Variants in ZNF81 observed in about 807,000 individuals in gnomAD.
ZNF81 encodes the protein zinc finger protein 81 (HFZ20).
Under a neutral mutation model 32.3 loss-of-function variants are expected in ZNF81, and 5 were observed. The observed-to-expected ratio is 0.15, with a 90% CI of 0.08 to 0.33. The LOEUF (loss-of-function observed/expected upper bound fraction) is 0.33, where lower values mean the gene tolerates loss of function less well. Among genes scored for constraint, ZNF81 ranks in the 10% least tolerant of loss-of-function variants. The pLI is 1.00. For synonymous variants in ZNF81, 163 were observed against 166.8 expected, an observed-to-expected ratio of 0.98 and a Z score of 0.17; for missense variants, 379 against 479.8, an observed-to-expected ratio of 0.79 and a Z score of 1.96.
chrX:47,878,138 G>A (rs1343582464), intron 2 of ZNF81, among the ~76,000 whole-genome samples: 1 of 111,781 alleles, frequency 8.9e-6, no homozygotes, highest in Non-Finnish European at 1.9e-5. Flanking sequence ...CCTGCCTGTC[G>A]TGCAACCAGA....
Position 47,922,660 on chromosome X carries a change from A to G in ZNF81, c.*6028A>G, listed in dbSNP as rs2058780733. Among the ~76,000 whole-genome samples, 2 of 111,746 alleles carry G rather than the reference A, an allele frequency of 1.8e-5. No individual in the cohort carries two copies. The highest frequency in any genetic ancestry group is 3.3e-5 in the African/African-American group (1 of 30,666). ...GATGGTTTTCATCTATAAAAGATGTACACACTACCACCTATCATAGATTTG... is the reference window on the plus strand; with the variant it reads ...GATGGTTTTCATCTATAAAAGATGTGCACACTACCACCTATCATAGATTTG... On this transcript the variant is annotated 3_prime_UTR_variant, in exon 5 of 5. Coordinates refer to ENST00000338637, the MANE Select transcript of ZNF81 (RefSeq NM_007137.5).
intron 2 of ZNF81, among the ~76,000 whole-genome samples, chrX:47,864,516 A>G (rs1242144866): frequency 8.9e-6 from 1 of 111,876 alleles, no homozygotes; most frequent in Non-Finnish European, 1.9e-5. Flanking sequence ...GCCACACGTC[A>G]TGTGATGTGA....
rs782375246 is a variant in ZNF81 at position 47,917,129 on chromosome X, AT to A, written c.*505del. On this transcript the variant is annotated 3_prime_UTR_variant, in exon 5 of 5. Coordinates refer to ENST00000338637, the MANE Select transcript of ZNF81 (RefSeq NM_007137.5). The stretch of plus-strand genomic sequence containing the variant: ...CAGTGCAGAACAGGAGGAATATTAC[AT>A]TTTTTTTCAAATTTAGAATAATTAT... 7.0e-6 allele frequency: 2 copies of A among 287,555 alleles called. No individual in the cohort carries two copies. Among genetic ancestry groups the A allele is most frequent in the East Asian group, 4.9e-5 (1 of 20,586 alleles). 23.7% of individuals were successfully genotyped at this position (287,555 alleles called of 1,213,427 possible). A position where few individuals can be genotyped will look rare whatever the true frequency, so the allele number is the denominator to read the frequency against.
In ZNF81 at chrX:47,900,913, G is replaced by A. The variant is rs1048647336; in HGVS notation, c.277+4973G>A. ...GCCCCCTTAATCTCTAGTGGCCCCG[G>A]GTACCCAGGCCTTCTTCCCCTGATT... On this transcript the variant is annotated intron_variant, in intron 4 of 4. Transcript: ENST00000338637. Among the ~76,000 whole-genome samples the A allele has an allele frequency of 2.7e-5, 3 of 109,991 alleles. No homozygotes were observed. In the Admixed American group the frequency reaches 2.9e-4, roughly 11 times the overall value.
rs2058661369 is a variant in ZNF81, at chrX:47,891,252, T to G, written c.181+3127T>G. 2.7e-5 allele frequency among the ~76,000 whole-genome samples: 3 copies of G among 112,829 alleles called. No individual in the cohort carries two copies. The Admixed American group carries it at 2.8e-4, about 11-fold the overall frequency. On this transcript the variant is annotated intron_variant, in intron 3 of 4. Transcript: ENST00000338637. ...ATAGGGTACCAGGGAATGTGTTAAT[T>G]TGCTCAAGCAATGAAACCACATCTT... is the stretch of plus-strand genomic sequence containing the variant.
chrX:47,912,665 C>G (rs1332205517), intron 4 of ZNF81, among the ~76,000 whole-genome samples: 1 of 109,326 alleles, frequency 9.1e-6, no homozygotes, highest in African/African-American at 3.3e-5. Context: ...ATTACTCCAC[C>G]ATCTCTTAGG....
intron 2 of ZNF81, among the ~76,000 whole-genome samples, chrX:47,862,519 G>A (rs782759938): frequency 8.6e-5 from 6 of 69,401 alleles, no homozygotes; most frequent in South Asian, 7.1e-4. Context: ...GAGAGACTCC[G>A]TCTCAAAAAA....
At position 47,923,020 on chromosome X, in the gene ZNF81, G is replaced by C. The variant is rs1047423114; in HGVS notation, c.*6388G>C. Among the ~76,000 whole-genome samples, 1 of 111,372 alleles carries C rather than the reference G, an allele frequency of 9.0e-6. No homozygotes were observed. Among genetic ancestry groups the C allele is most frequent in the Non-Finnish European group, 1.9e-5 (1 of 53,059 alleles). On this transcript the variant is annotated 3_prime_UTR_variant, in exon 5 of 5. Coordinates refer to ENST00000338637, the MANE Select transcript of ZNF81 (RefSeq NM_007137.5). Reference sequence around the variant, plus strand: ...AAGGACACTAGTTATATTGGAGTGGGGTTCACTTTAATGGCCCCATTTTAA... The same window carrying C: ...AAGGACACTAGTTATATTGGAGTGGCGTTCACTTTAATGGCCCCATTTTAA...
intron 2 of ZNF81, among the ~76,000 whole-genome samples, chrX:47,887,416 CA>C (rs2058646060): frequency 9.0e-6 from 1 of 111,653 alleles, no homozygotes; most frequent in Admixed American, 9.5e-5. Flanking sequence ...AACACTCAAC[CA>C]ACTTGATTTA....
Position 47,863,361 on chromosome X carries a change from C to T in ZNF81, c.54+17040C>T, listed in dbSNP as rs782359785. On this transcript the variant is annotated intron_variant, in intron 2 of 4. Transcript: ENST00000338637. The stretch of plus-strand genomic sequence containing the variant: ...TTGGCTCAGATTTGGCCTCTGGGCA[C>T]GAAGTCAGTTGGCAATGCATTTGTT... Among the ~76,000 whole-genome samples the T allele has an allele frequency of 3.6e-5, 4 of 111,885 alleles. No individual in the cohort carries two copies. The East Asian group carries it at 8.4e-4, about 24-fold the overall frequency.
At chrX:47,909,115 A>G (rs1034183130) in intron 4 of ZNF81, among the ~76,000 whole-genome samples, 4 of 112,218 alleles carry the variant, frequency 3.6e-5, no homozygotes, top group Non-Finnish European at 7.5e-5. Context: ...TTATACCTCA[A>G]TAAAAAATAA....
chrX:47,898,065 A>G (rs782449234), intron 4 of ZNF81, among the ~76,000 whole-genome samples: 1 of 111,332 alleles, frequency 9.0e-6, no homozygotes, highest in Non-Finnish European at 1.9e-5. Flanking sequence ...CATAGGCCAG[A>G]GCCTTTATTT....
rs1332682491 is a variant in ZNF81 at position 47,922,949 on chromosome X, T to G, written c.*6317T>G. Among the ~76,000 whole-genome samples the G allele has an allele frequency of 4.5e-5, 5 of 111,508 alleles. No individual in the cohort carries two copies. Among genetic ancestry groups the G allele is most frequent in the African/African-American group, 1.6e-4 (5 of 30,656 alleles). On this transcript the variant is annotated 3_prime_UTR_variant, in exon 5 of 5. Transcript: ENST00000338637. ...TTTCTCCCTGTGTTTCTTCACATCA[T>G]GTTCCCTCTGTGTGTCTGGCTCTCT...
chrX:47,885,591 T>A (rs1279612549), intron 2 of ZNF81, among the ~76,000 whole-genome samples: 3 of 111,795 alleles, frequency 2.7e-5, no homozygotes, highest in African/African-American at 9.7e-5. Context: ...AGGTGTCCAG[T>A]GAGGGCTGCT....
At chrX:47,904,540 A>G (rs1412342917) in intron 4 of ZNF81, among the ~76,000 whole-genome samples, 1 of 109,190 alleles carries the variant, frequency 9.2e-6, no homozygotes, top group African/African-American at 3.3e-5. Context: ...TTAGAATGGC[A>G]ATCATTAAAA....
intron 2 of ZNF81, among the ~76,000 whole-genome samples, chrX:47,862,347 C>T (rs1358932002): frequency 9.2e-6 from 1 of 108,779 alleles, no homozygotes; most frequent in African/African-American, 3.3e-5. Flanking sequence ...AGTGAAACCC[C>T]GTCTCTACTA....
intron 2 of ZNF81, among the ~76,000 whole-genome samples, chrX:47,872,832 C>G (rs1449485041): frequency 9.0e-6 from 1 of 111,560 alleles, no homozygotes; most frequent in Admixed American, 9.5e-5. Context: ...GAGCTCTCAA[C>G]AAAGGTTATT....
intron 2 of ZNF81, among the ~76,000 whole-genome samples, chrX:47,873,928 A>G (rs1419862625): frequency 1.8e-5 from 2 of 111,498 alleles, no homozygotes; most frequent in African/African-American, 3.3e-5. Context: ...TCAGCCTCCC[A>G]AAGTGCTGGG....
chrX:47,853,820 G>GAT (rs1256352632), intron 2 of ZNF81, among the ~76,000 whole-genome samples: 2 of 111,887 alleles, frequency 1.8e-5, no homozygotes, highest in East Asian at 5.6e-4. Flanking sequence ...AAAGTGCTGG[G>GAT]ATTACTGGTG....
Sources: gnomAD v4.1 joint callset for allele counts (sites outside exome capture counted in the v4.1 genomes callset) on GRCh38, gnomAD v4.1.1 for gene constraint, MANE v1.5 for transcripts, NCBI Gene and HGNC (gene_info 2026-07-23, HGNC 2026-07-21) for gene names.